The following GNG7 variants were observed in gnomAD, a reference collection of about 807,000 sequenced individuals.
The protein encoded by GNG7 is G protein subunit gamma 7.
In GNG7, 1 loss-of-function variant was observed where a neutral mutation model predicts 4.0. The ratio of observed to expected loss-of-function variants is 0.25; its 90% CI spans 0.09 to 1.18. GNG7 has a LOEUF of 1.18. GNG7 is among the 50% of genes most tolerant of loss of function. The pLI is 0.50. For missense variants in GNG7, 86 were observed against 91.9 expected (o/e 0.94, Z 0.26); for synonymous variants, 34 against 36.9 (o/e 0.92, Z 0.29).
chr19:2,561,139 G>A (rs1421883514), intron 2 of GNG7, among the ~76,000 whole-genome samples: 1 of 151,880 alleles, frequency 6.6e-6, no homozygotes, highest in Non-Finnish European at 1.5e-5. Flanking sequence ...CAGCCTCCTG[G>A]GACCTCAGCA....
chr19:2,688,146 G>A (rs1359547957), intron 1 of GNG7, among the ~76,000 whole-genome samples: 6 of 152,104 alleles, frequency 3.9e-5, no homozygotes, highest in Non-Finnish European at 7.4e-5. Flanking sequence ...CCAGTTACTC[G>A]GGAGGCTGAG....
intron 2 of GNG7, among the ~76,000 whole-genome samples, chr19:2,620,916 C>G (rs887079363): frequency 1.3e-5 from 2 of 152,198 alleles, no homozygotes; most frequent in African/African-American, 4.8e-5. Flanking sequence ...GTTTCCCAGC[C>G]TGAGCTTCCA....
intron 2 of GNG7, among the ~76,000 whole-genome samples, chr19:2,595,604 G>A (rs1307970595): frequency 2.6e-5 from 4 of 151,088 alleles, no homozygotes; most frequent in Admixed American, 1.3e-4. Flanking sequence ...GCGTGGTGGC[G>A]GGTGCCTGTA....
chr19:2,521,612 G>GGT (rs1177641184), intron 3 of GNG7, among the ~76,000 whole-genome samples: 4 of 104,690 alleles, frequency 3.8e-5, no homozygotes, highest in South Asian at 7.1e-4. Flanking sequence ...CCCCCTCCGT[G>GGT]TTTTTTTTTT....
At chr19:2,551,645 A>AAATATATATTTATAAATATG (rs1979335257) in intron 3 of GNG7, among the ~76,000 whole-genome samples, 1 of 142,334 alleles carries the variant, frequency 7.0e-6, no homozygotes, top group African/African-American at 2.6e-5. Flanking sequence ...ACACATATAC[A>AAATATATATTTATAAATATG]TATTTATAAA....
chr19:2,688,614 G>A (rs992806192), intron 1 of GNG7, among the ~76,000 whole-genome samples: 2 of 152,276 alleles, frequency 1.3e-5, no homozygotes, highest in African/African-American at 4.8e-5. Flanking sequence ...TCCAGGTCAC[G>A]AGAGGTAACG....
chr19:2,565,167 C>A (rs750048930), intron 2 of GNG7, among the ~76,000 whole-genome samples: 1 of 152,074 alleles, frequency 6.6e-6, no homozygotes, highest in African/African-American at 2.4e-5. Flanking sequence ...ATGGGGAAAA[C>A]GGAAAACACA....
intron 3 of GNG7, among the ~76,000 whole-genome samples, chr19:2,542,713 C>T (rs945734783): frequency 2.6e-5 from 4 of 152,046 alleles, no homozygotes; most frequent in Admixed American, 6.6e-5. Context: ...GGAGCTGATA[C>T]GCAAGGCCAG....
chr19:2,612,710 T>C (rs980127036), intron 2 of GNG7, among the ~76,000 whole-genome samples: 1 of 147,542 alleles, frequency 6.8e-6, no homozygotes, highest in African/African-American at 2.6e-5. Context: ...TTGAGAAATT[T>C]TTTTTTTTTT....
At chr19:2,666,340 TTTC>T (rs1191125890) in intron 1 of GNG7, among the ~76,000 whole-genome samples, 7 of 151,764 alleles carry the variant, frequency 4.6e-5, no homozygotes, top group African/African-American at 1.7e-4. Flanking sequence ...GCCCGGCTAA[TTTC>T]TGTATTTTTA....
chr19:2,679,414 T>C (rs182307831), intron 1 of GNG7, among the ~76,000 whole-genome samples: 23 of 152,266 alleles, frequency 1.5e-4, no homozygotes, highest in African/African-American at 5.1e-4. Context: ...ATAACAGTGA[T>C]AACCAGGACC....
At chr19:2,659,610 A>AAAAAAAAAAG (rs5826778) in intron 1 of GNG7, among the ~76,000 whole-genome samples, 10,978 of 120,696 alleles carry the variant, frequency 0.091, 1,064 homozygotes, top group East Asian at 0.32. Flanking sequence ...AAAAAAAAAA[A>AAAAAAAAAAG]AGAGAGGAGG....
rs545210534 is a variant in GNG7 at position 2,593,542 on chromosome 19, G to A, written c.-77-38354C>T. ...GTGGATCACCTGAGGTCAGAAGTTC[G>A]AGACCAGCCCGGGCAACAAGGCGAA... On this transcript the variant is annotated intron_variant, in intron 2 of 4. Coordinates refer to ENST00000382159, the MANE Select transcript of GNG7 (RefSeq NM_052847.3). Among the ~76,000 whole-genome samples, 7 of 152,082 alleles carry A rather than the reference G, an allele frequency of 4.6e-5. No individual in the cohort carries two copies. The South Asian group carries it at 1.0e-3, about 23-fold the overall frequency.
At chr19:2,691,091 G>A (rs1913124716) in intron 1 of GNG7, among the ~76,000 whole-genome samples, 1 of 152,162 alleles carries the variant, frequency 6.6e-6, no homozygotes, top group South Asian at 2.1e-4. Context: ...GGTAATGGGG[G>A]AGGCTGTGCC....
chr19:2,668,204 A>G (rs1176252756), intron 1 of GNG7, among the ~76,000 whole-genome samples: 3 of 144,066 alleles, frequency 2.1e-5, no homozygotes, highest in African/African-American at 5.2e-5. Flanking sequence ...AAACTATTCT[A>G]AAATGAAAAG....
intron 3 of GNG7, among the ~76,000 whole-genome samples, chr19:2,545,952 C>T (rs892290976): frequency 1.7e-4 from 23 of 137,864 alleles, no homozygotes; most frequent in African/African-American, 6.0e-4. Flanking sequence ...GAGACTCTGC[C>T]TCAAAAACAA....
intron 1 of GNG7, among the ~76,000 whole-genome samples, chr19:2,698,658 A>C (rs780165051): frequency 6.6e-6 from 1 of 152,204 alleles, no homozygotes; most frequent in Non-Finnish European, 1.5e-5. Context: ...GAAACCATGA[A>C]GCATCTTCAA....
rs1981793850 is a variant in GNG7, at chr19:2,618,909, T to C, written c.-78+27315A>G. On this transcript the variant is annotated intron_variant, in intron 2 of 4. Coordinates refer to ENST00000382159, the MANE Select transcript of GNG7 (RefSeq NM_052847.3). This position sits in a 1 kb window ranked among gnomAD's most constrained non-coding sequence, Gnocchi z 5.1. ...ACCCCATCCAGGAGCCCATGTGGCA[T>C]CTGACCGTCCCATCTCCGTGGGTTC... Among the ~76,000 whole-genome samples, 1 of 152,130 alleles carries C rather than the reference T, an allele frequency of 6.6e-6. No homozygotes were observed. The highest frequency in any genetic ancestry group is 2.4e-5 in the African/African-American group (1 of 41,436).
chr19:2,651,803 C>A (rs1380178774), intron 1 of GNG7, among the ~76,000 whole-genome samples: 1 of 151,748 alleles, frequency 6.6e-6, no homozygotes, highest in Admixed American at 6.6e-5. Context: ...TGGGCTCAGG[C>A]AATCCACCTG....
Sources: gnomAD v4.1 joint callset for allele counts (sites outside exome capture counted in the v4.1 genomes callset) on GRCh38, gnomAD v4.1.1 for gene constraint, Gnocchi (gnomAD v3.1) non-coding constraint, MANE v1.5 for transcripts, NCBI Gene and HGNC (gene_info 2026-07-23, HGNC 2026-07-21) for gene names.